The following CLVS1 variants were observed in gnomAD, a reference collection of about 807,000 sequenced individuals.
CLVS1 encodes clavesin-1.
CLVS1 carries 10 observed loss-of-function variants against 33.1 expected under a neutral mutation model. The observed-to-expected ratio is 0.30, with a 90% CI of 0.19 to 0.51. CLVS1 has a LOEUF of 0.51. CLVS1 is among the 20% of genes least tolerant of loss of function. CLVS1 has a pLI of 0.97. For synonymous variants in CLVS1, 163 were observed against 166.1 expected (o/e 0.98, Z 0.14); for missense variants, 343 against 433.4 (o/e 0.79, Z 1.85).
the CLVS1 span, among the ~76,000 whole-genome samples, chr8:60,986,805 G>C: frequency 2.0e-5 from 3 of 152,250 alleles, no homozygotes; most frequent in South Asian, 6.2e-4. Flanking sequence ...GGGTAACATC[G>C]TACTGGGCAT....
At chr8:61,416,400 TAATG>T in intron 3 of CLVS1, among the ~76,000 whole-genome samples, 1 of 152,000 alleles carries the variant, frequency 6.6e-6, no homozygotes, top group African/African-American at 2.4e-5. Flanking sequence ...GTGGGGAAAA[TAATG>T]AATTTTGTAT....
At chr8:61,232,023 G>GTTT (rs1158042227) in intron 2 of CLVS1, among the ~76,000 whole-genome samples, 28 of 62,650 alleles carry the variant, frequency 4.5e-4, no homozygotes, top group African/African-American at 5.2e-4. Context: ...GAAAGTTGTG[G>GTTT]TTTTTTTTTT....
chr8:61,140,945 T>C (rs1440766579), intron 2 of CLVS1, among the ~76,000 whole-genome samples: 1 of 152,198 alleles, frequency 6.6e-6, no homozygotes, highest in Non-Finnish European at 1.5e-5. Context: ...GGACCTTAAC[T>C]GAGTCAGGCA....
At chr8:61,363,833 A>C (rs1226799890) in intron 2 of CLVS1, among the ~76,000 whole-genome samples, 1 of 152,186 alleles carries the variant, frequency 6.6e-6, no homozygotes, top group Non-Finnish European at 1.5e-5. Flanking sequence ...TTATGAAGAG[A>C]GTCAGGGAGA....
chr8:61,321,325 C>G (rs905515039), intron 2 of CLVS1, among the ~76,000 whole-genome samples: 1 of 152,018 alleles, frequency 6.6e-6, no homozygotes, highest in African/African-American at 2.4e-5. Context: ...GCTTGCCTCC[C>G]AGCACTTTCA....
At chr8:61,257,059 A>G (rs1189866368) in intron 2 of CLVS1, among the ~76,000 whole-genome samples, 2 of 152,240 alleles carry the variant, frequency 1.3e-5, no homozygotes, top group Non-Finnish European at 2.9e-5. Flanking sequence ...AAACAACACC[A>G]AAAAGATGGC....
Position 61,268,620 on chromosome 8 carries a change from T to C in CLVS1, c.-151-31057T>C, listed in dbSNP as rs1478629057. 3.0e-5 allele frequency among the ~76,000 whole-genome samples: 4 copies of C among 132,210 alleles called. No homozygotes were observed. In the East Asian group the frequency reaches 9.1e-4, roughly 30 times the overall value. 86.7% of individuals were successfully genotyped at this position (132,210 alleles called of 152,430 possible). A position where few individuals can be genotyped will look rare whatever the true frequency, so the allele number is the denominator to read the frequency against. On this transcript the variant is annotated intron_variant, in intron 2 of 2. Coordinates refer to the CLVS1 transcript ENST00000522621. ...GACTTCCACAATGGTTGAACTAGTTTACAGTCCCACCAACAGTGTAAAAGT... is the reference window on the plus strand; with the variant it reads ...GACTTCCACAATGGTTGAACTAGTTCACAGTCCCACCAACAGTGTAAAAGT...
At chr8:61,103,605 G>T (rs1266977648) in intron 1 of CLVS1, among the ~76,000 whole-genome samples, 1 of 152,150 alleles carries the variant, frequency 6.6e-6, no homozygotes, top group African/African-American at 2.4e-5. Flanking sequence ...AAGGAAAACA[G>T]GACCTTAAGG....
At position 61,245,944 on chromosome 8, in the gene CLVS1, A is replaced by T. The variant is rs189488766; in HGVS notation, c.-151-53733A>T. ...CATTACACCCAGTTAATTAAAAAAA[A>T]ATTTTTTTGGAGAGACTGAGTCTCA... On this transcript the variant is annotated intron_variant, in intron 2 of 2. Transcript: ENST00000522621. 2.9e-4 allele frequency among the ~76,000 whole-genome samples: 43 copies of T among 146,336 alleles called. No individual in the cohort carries two copies. The East Asian group carries it at 6.8e-3, about 23-fold the overall frequency.
At chr8:61,384,572 G>A (rs185285256) in intron 3 of CLVS1, among the ~76,000 whole-genome samples, 5 of 152,304 alleles carry the variant, frequency 3.3e-5, no homozygotes, top group African/African-American at 1.2e-4. Flanking sequence ...GGTGAATGGT[G>A]ATGCCGACTG....
intron 2 of CLVS1, among the ~76,000 whole-genome samples, chr8:61,212,769 T>G (rs1807999251): frequency 6.6e-6 from 1 of 152,132 alleles, no homozygotes; most frequent in African/African-American, 2.4e-5. Flanking sequence ...TGGACACTCC[T>G]CAGCCGGGCT....
chr8:61,463,412 G>A (rs1264766984), intron 5 of CLVS1, among the ~76,000 whole-genome samples: 2 of 152,182 alleles, frequency 1.3e-5, no homozygotes, highest in Non-Finnish European at 2.9e-5. Context: ...TCATGCAAGA[G>A]GCCTAGCTTT....
intron 2 of CLVS1, among the ~76,000 whole-genome samples, chr8:61,157,485 T>C (rs1460802495): frequency 1.3e-5 from 2 of 152,144 alleles, no homozygotes; most frequent in East Asian, 3.8e-4. Context: ...GCTAACCCTA[T>C]ATATCTGTAC....
chr8:61,303,061 G>T (rs534229773), intron 2 of CLVS1, among the ~76,000 whole-genome samples: 1 of 152,264 alleles, frequency 6.6e-6, no homozygotes, highest in East Asian at 1.9e-4. Context: ...CATGAGATTT[G>T]GTTGGGGACA....
intron 1 of CLVS1, among the ~76,000 whole-genome samples, chr8:61,068,185 A>G (rs1461244858): frequency 7.3e-6 from 1 of 136,854 alleles, no homozygotes; most frequent in Non-Finnish European, 1.5e-5. Context: ...TTAAAAGAAT[A>G]TATATGTGTA....
Position 61,458,457 on chromosome 8 carries a change from T to C in CLVS1, c.892T>C (p.Tyr298His), listed in dbSNP as rs1817243578. ...LGPDYSDEND[Y>H]THTSYNAMHV... is the part of the protein sequence containing the mutation. ...TCCCGACTACAGCGATGAAAATGAC[T>C]ATACTCACACATCCTATAATGCAAT... Residue 298 changes from tyrosine to histidine, a missense_variant, in exon 5 of 6, where the codon TAT becomes CAT. By Grantham distance (83) the Tyr-to-His change is moderately conservative (BLOSUM62 2). This residue lies in a region of CLVS1 where 86 missense variants were observed against 95.0 expected (regional missense o/e 0.91). Coordinates refer to ENST00000325897, the MANE Select transcript of CLVS1 (RefSeq NM_173519.3). The C allele has an allele frequency of 6.2e-7, 1 of 1,614,046 alleles. No individual in the cohort carries two copies. The highest frequency in any genetic ancestry group is 8.5e-7 in the Non-Finnish European group (1 of 1,179,980).
chr8:61,493,557 G>A (rs1276044128), intron 5 of CLVS1, among the ~76,000 whole-genome samples: 1 of 152,190 alleles, frequency 6.6e-6, no homozygotes, highest in African/African-American at 2.4e-5. Context: ...CACAAAGCAA[G>A]TGATGGACCC....
intron 2 of CLVS1, among the ~76,000 whole-genome samples, chr8:61,141,892 G>A (rs962220853): frequency 2.0e-5 from 3 of 152,210 alleles, no homozygotes; most frequent in East Asian, 1.9e-4. Context: ...TTTTGAGCAG[G>A]GCTCTATTGG....
At chr8:61,128,406 TG>T (rs1442208334) in intron 1 of CLVS1, among the ~76,000 whole-genome samples, 1 of 152,252 alleles carries the variant, frequency 6.6e-6, no homozygotes, top group Non-Finnish European at 1.5e-5. Context: ...TCTATTCAGT[TG>T]ATCTTCATCA....
Sources: allele counts gnomAD v4.1 joint callset (sites outside exome capture counted in the v4.1 genomes callset), GRCh38; gene constraint gnomAD v4.1.1; regional missense constraint gnomAD v4.1.1; transcripts MANE v1.5; gene names NCBI Gene and HGNC (gene_info 2026-07-23, HGNC 2026-07-21).